LINGO2: variants seen among roughly 807,000 people sequenced by gnomAD.
The protein encoded by LINGO2 is leucine rich repeat and Ig domain containing 2.
LINGO2 carries 14 observed loss-of-function variants against 30.6 expected under a neutral mutation model. The ratio of observed to expected loss-of-function variants is 0.46; its 90% CI spans 0.30 to 0.72. LINGO2 has a LOEUF of 0.72. Ranked by LOEUF, LINGO2 falls within the 30% of genes least tolerant of loss-of-function variation. The probability of loss-of-function intolerance (pLI) is 0.07; values close to 1 mark genes in which losing one functional copy is unlikely to be tolerated. For synonymous variants in LINGO2, 317 were observed against 288.5 expected, an observed-to-expected ratio of 1.10 and a Z score of -1.00; for missense variants, 729 against 751.7, an observed-to-expected ratio of 0.97 and a Z score of 0.35.
intron 1 of LINGO2, among the ~76,000 whole-genome samples, chr9:28,511,415 G>C (rs1351473669): frequency 6.6e-6 from 1 of 152,106 alleles, no homozygotes; most frequent in Non-Finnish European, 1.5e-5. Context: ...GCCGTAGCCA[G>C]GTCAGCCGTG....
chr9:28,554,511 G>A (rs1172316157), intron 1 of LINGO2, among the ~76,000 whole-genome samples: 1 of 147,408 alleles, frequency 6.8e-6, no homozygotes, highest in African/African-American at 2.5e-5. Flanking sequence ...AGTCCTGAGT[G>A]ACCTACAAAG....
At chr9:28,567,437 C>T (rs574543286) in intron 1 of LINGO2, among the ~76,000 whole-genome samples, 1 of 152,178 alleles carries the variant, frequency 6.6e-6, no homozygotes, top group Non-Finnish European at 1.5e-5. Context: ...AAAAGTGGTA[C>T]ATATACACTG....
At chr9:28,322,156 A>G (rs1456787129) in intron 3 of LINGO2, among the ~76,000 whole-genome samples, 1 of 152,138 alleles carries the variant, frequency 6.6e-6, no homozygotes, top group Non-Finnish European at 1.5e-5. Context: ...TCAAGTTCAT[A>G]CTGGCCTTGG....
At chr9:28,352,322 T>A (rs1355443739) in intron 3 of LINGO2, among the ~76,000 whole-genome samples, 1 of 133,936 alleles carries the variant, frequency 7.5e-6, no homozygotes, top group Admixed American at 7.7e-5. Context: ...ACAAAATCAA[T>A]GTACAAAAAT....
intron 1 of LINGO2, among the ~76,000 whole-genome samples, chr9:28,607,222 AGATT>A (rs941223378): frequency 2.6e-5 from 4 of 152,040 alleles, no homozygotes; most frequent in African/African-American, 9.7e-5. Context: ...TAATGTTGAA[AGATT>A]GATTGATACT....
At chr9:28,942,960 T>C in the LINGO2 span, among the ~76,000 whole-genome samples, 1 of 152,056 alleles carries the variant, frequency 6.6e-6, no homozygotes, top group African/African-American at 2.4e-5. Context: ...GAACATTGAG[T>C]TGGAAGTGAC....
At chr9:28,462,528 GA>G (rs993010559) in intron 2 of LINGO2, among the ~76,000 whole-genome samples, 15 of 151,812 alleles carry the variant, frequency 9.9e-5, no homozygotes, top group African/African-American at 3.4e-4. Flanking sequence ...CAAATAGGGG[GA>G]AAAAATGGAG....
chr9:28,094,639 C>T (rs1186290113), intron 4 of LINGO2, among the ~76,000 whole-genome samples: 1 of 151,864 alleles, frequency 6.6e-6, no homozygotes, highest in African/African-American at 2.4e-5. Context: ...CATATGTGTG[C>T]TAAAGGTGAA....
chr9:28,357,494 C>A (rs1389828061), intron 3 of LINGO2, among the ~76,000 whole-genome samples: 1 of 151,826 alleles, frequency 6.6e-6, no homozygotes, highest in African/African-American at 2.4e-5. Context: ...AAATATTCAC[C>A]CCAAAATACA....
At chr9:28,174,400 A>G (rs1828685530) in intron 4 of LINGO2, among the ~76,000 whole-genome samples, 1 of 152,146 alleles carries the variant, frequency 6.6e-6, no homozygotes, top group Admixed American at 6.6e-5. Context: ...GTCTTTGCAC[A>G]TGCTCTTCTT....
intron 1 of LINGO2, among the ~76,000 whole-genome samples, chr9:28,526,499 T>C (rs1042339069): frequency 6.6e-6 from 1 of 152,224 alleles, no homozygotes; most frequent in Non-Finnish European, 1.5e-5. Flanking sequence ...ATGTTAACCA[T>C]AGACCTACCC....
chr9:29,201,165 A>C, the LINGO2 span, among the ~76,000 whole-genome samples: 1 of 152,040 alleles, frequency 6.6e-6, no homozygotes, highest in African/African-American at 2.4e-5. Flanking sequence ...GTGGAGAATT[A>C]TACTCCACTT....
chr9:28,400,826 T>C lies in LINGO2; in HGVS notation c.-278-27958A>G, dbSNP rs528193854. 2.0e-5 allele frequency among the ~76,000 whole-genome samples: 3 copies of C among 152,308 alleles called. No individual in the cohort carries two copies. The East Asian group carries it at 5.8e-4, about 29-fold the overall frequency. On this transcript the variant is annotated intron_variant, in intron 2 of 5. Coordinates refer to ENST00000379992, the Ensembl canonical transcript of LINGO2. Reference sequence around the variant, plus strand: ...TAAGGTAAAGGGAGCATGTAAGAAGTTCTGAAAAATAAATTAATTCAACAT... The same window carrying C: ...TAAGGTAAAGGGAGCATGTAAGAAGCTCTGAAAAATAAATTAATTCAACAT...
chr9:28,681,194 T>C, the LINGO2 span, among the ~76,000 whole-genome samples: 1 of 152,028 alleles, frequency 6.6e-6, no homozygotes, highest in Non-Finnish European at 1.5e-5. Context: ...GCAACTTAGT[T>C]CCAGTTGGTA....
At position 28,383,191 on chromosome 9, in the gene LINGO2, G is replaced by A. The variant is rs183565822; in HGVS notation, c.-278-10323C>T. On this transcript the variant is annotated intron_variant, in intron 2 of 5. Transcript: ENST00000379992. The stretch of plus-strand genomic sequence containing the variant: ...ACCTCCATGGGTGACTTCTGCCCAC[G>A]TGGGTTGCTAGCAGCACTCACTCTT... 4.0e-5 allele frequency among the ~76,000 whole-genome samples: 6 copies of A among 151,870 alleles called. No homozygotes were observed. In the East Asian group the frequency reaches 7.8e-4, roughly 20 times the overall value.
intron 1 of LINGO2, among the ~76,000 whole-genome samples, chr9:28,497,064 C>T (rs562702715): frequency 5.8e-4 from 89 of 152,282 alleles, no homozygotes; most frequent in African/African-American, 2.0e-3. Flanking sequence ...GTGGGTAACC[C>T]GACCTTTCTC....
At chr9:28,210,578 A>G (rs1185059355) in intron 4 of LINGO2, among the ~76,000 whole-genome samples, 1 of 151,616 alleles carries the variant, frequency 6.6e-6, no homozygotes. Flanking sequence ...AAGTTACCAT[A>G]TTACTTTAAA....
At chr9:28,767,785 CAAAAA>C in the LINGO2 span, among the ~76,000 whole-genome samples, 3 of 97,076 alleles carry the variant, frequency 3.1e-5, no homozygotes, top group East Asian at 6.8e-4. Flanking sequence ...GACTCCATTT[CAAAAA>C]AAAAAAAAAA....
intron 2 of LINGO2, among the ~76,000 whole-genome samples, chr9:28,438,901 A>G (rs1824069472): frequency 8.8e-6 from 1 of 113,406 alleles, no homozygotes; most frequent in African/African-American, 3.5e-5. Flanking sequence ...ATATATTTAT[A>G]CATTATATAT....
Sources: allele counts gnomAD v4.1 joint callset (sites outside exome capture counted in the v4.1 genomes callset), GRCh38; gene constraint gnomAD v4.1.1; transcripts MANE v1.5; gene names NCBI Gene and HGNC (gene_info 2026-07-23, HGNC 2026-07-21).